The following ENPP2 variants were observed in gnomAD, a reference collection of about 807,000 sequenced individuals.
The protein encoded by ENPP2 is ectonucleotide pyrophosphatase/phosphodiesterase 2.
A neutral mutation model predicts 120.2 loss-of-function variants in ENPP2; 51 were observed. That is an observed-to-expected ratio of 0.42 (90% CI 0.34 to 0.54). ENPP2 has a LOEUF of 0.54. Ranked by LOEUF, ENPP2 falls within the 20% of genes least tolerant of loss-of-function variation. The pLI, the probability that ENPP2 is intolerant of heterozygous loss-of-function variation, is 0.04. For missense variants in ENPP2, 920 were observed against 1,066.5 expected (o/e 0.86, Z 1.91); for synonymous variants, 365 against 366.4 (o/e 1.00, Z 0.04).
At chr8:119,609,236 C>T (rs567241397) in intron 8 of ENPP2, among the ~76,000 whole-genome samples, 38 of 152,244 alleles carry the variant, frequency 2.5e-4, no homozygotes, top group African/African-American at 8.9e-4. Flanking sequence ...GGTTCCAGCC[C>T]CCTTGGAGCC....
At chr8:119,574,101 A>G (rs1256078165) in intron 19 of ENPP2, among the ~76,000 whole-genome samples, 1 of 152,200 alleles carries the variant, frequency 6.6e-6, no homozygotes, top group Admixed American at 6.5e-5. Context: ...TAAGAAACAC[A>G]GATTTTAAGG....
intron 1 of ENPP2, among the ~76,000 whole-genome samples, chr8:119,667,271 T>C (rs571302060): frequency 6.6e-6 from 1 of 152,360 alleles, no homozygotes; most frequent in East Asian, 1.9e-4. Flanking sequence ...TGGCTAACCA[T>C]ATTCCTGCCT....
At position 119,570,960 on chromosome 8, in the gene ENPP2, C is replaced by A. The variant is rs1288958098; in HGVS notation, c.1781-119G>T. 5 of 527,522 alleles carry A rather than the reference C, an allele frequency of 9.5e-6. No individual in the cohort carries two copies. The East Asian group carries it at 1.7e-4, about 18-fold the overall frequency. The allele number at this position is 527,522 out of a possible 1,614,324, so 32.7% of individuals were successfully genotyped here. On this transcript the variant is annotated intron_variant, in intron 19 of 24. Coordinates refer to ENST00000075322, the MANE Select transcript of ENPP2 (RefSeq NM_001040092.3). ...GCTAGCTTACTTATTATTAATATAG[C>A]ACCTTCTCCTTAATTTAATCAAGCT...
chr8:119,588,768 A>G (rs1813296413), intron 13 of ENPP2, among the ~76,000 whole-genome samples: 1 of 152,170 alleles, frequency 6.6e-6, no homozygotes, highest in African/African-American at 2.4e-5. Flanking sequence ...AGAGAAGTAA[A>G]TAGCATGTAC....
At chr8:119,621,557 A>G in intron 3 of ENPP2, 38 bp from the exon 4 acceptor site, 1 of 1,604,676 alleles carries the variant, frequency 6.2e-7, no homozygotes, top group Non-Finnish European at 8.5e-7. Flanking sequence ...ACTGCTGCAC[A>G]CTAACCAAAT....
intron 5 of ENPP2, 152 bp from the exon 6 acceptor site, chr8:119,617,715 G>C: frequency 1.7e-6 from 1 of 604,838 alleles, no homozygotes; most frequent in South Asian, 2.0e-5. Context: ...TTGGGAGTCC[G>C]AGGCGGGCTG....
At chr8:119,626,783 G>A (rs1816310694) in intron 2 of ENPP2, 63 bp from the exon 3 acceptor site, 1 of 1,472,678 alleles carries the variant, frequency 6.8e-7, no homozygotes, top group Admixed American at 1.7e-5. Flanking sequence ...TGGAAAGGTG[G>A]CACTGGGAAG....
chr8:119,643,618 T>C (rs992465297), upstream of ENPP2, among the ~76,000 whole-genome samples: 3 of 152,218 alleles, frequency 2.0e-5, no homozygotes, highest in African/African-American at 7.2e-5. Context: ...GTTGCACAAA[T>C]ATTCATTAGC....
intron 3 of ENPP2, among the ~76,000 whole-genome samples, chr8:119,622,386 C>T (rs1422137854): frequency 6.6e-6 from 1 of 152,162 alleles, no homozygotes; most frequent in African/African-American, 2.4e-5. Context: ...AACCACTGAC[C>T]CATTGTGGTC....
chr8:119,608,027 A>G, intron 8 of ENPP2, 50 bp from the exon 9 acceptor site: 1 of 1,335,116 alleles, frequency 7.5e-7, no homozygotes, highest in Non-Finnish European at 1.1e-6. Flanking sequence ...GTTTTTGTCA[A>G]AGAAGAAAAA....
At position 119,562,927 on chromosome 8, in the gene ENPP2, T is replaced by G. The variant is rs1235355369; in HGVS notation, c.2351A>C (p.Lys784Thr). ...SCLDFTQPAD[K>T]CDGPLSVSSF... is the part of the protein sequence containing the mutation. ...GGACACAGAGAGAGGGCCGTCACAC[T>G]TGTCGGCAGGCTGAGTGAAATCCAG... Residue 784 changes from lysine to threonine, a missense_variant, in exon 24 of 25, where the codon AAG (lysine) becomes ACG (threonine). Transcript: ENST00000075322. 6.2e-7 allele frequency: 1 copy of G among 1,614,008 alleles called. No individual in the cohort carries two copies. The highest frequency in any genetic ancestry group is 8.5e-7 in the Non-Finnish European group (1 of 1,179,980).
chr8:119,608,355 C>T (rs1255843148), intron 8 of ENPP2, among the ~76,000 whole-genome samples: 2 of 152,158 alleles, frequency 1.3e-5, no homozygotes, highest in Non-Finnish European at 2.9e-5. Flanking sequence ...GTTTCCTTTA[C>T]TATTGAAAGC....
At chr8:119,650,861 G>A (rs1471665402) in intron 1 of ENPP2, among the ~76,000 whole-genome samples, 4 of 151,980 alleles carry the variant, frequency 2.6e-5, no homozygotes, top group African/African-American at 9.7e-5. Flanking sequence ...TAGTTCTTGC[G>A]TACACATCTC....
rs376975201 is a variant in ENPP2 at position 119,638,792 on chromosome 8, T to A, written c.-12A>T. 1 of 1,613,612 alleles carries A rather than the reference T, an allele frequency of 6.2e-7. No homozygotes were observed. The highest frequency in any genetic ancestry group is 1.1e-5 in the South Asian group (1 of 91,080). On this transcript the variant is annotated 5_prime_UTR_variant, in exon 1 of 25. The change creates a new upstream start codon in the 5' untranslated region. Transcript: ENST00000075322. ...CTCCTCCTTGCCATGTCGAGGATTC[T>A]TGGAAAGCCTTTTGCAGCGTGTTCT...
At chr8:119,645,745 G>A (rs922914794) in intron 1 of ENPP2, among the ~76,000 whole-genome samples, 1 of 151,124 alleles carries the variant, frequency 6.6e-6, no homozygotes, top group African/African-American at 2.4e-5. Context: ...AACCCGGGGA[G>A]TGGAGGTTGA....
intron 1 of ENPP2, among the ~76,000 whole-genome samples, chr8:119,670,356 C>A (rs1417104120): frequency 6.6e-6 from 1 of 152,186 alleles, no homozygotes; most frequent in African/African-American, 2.4e-5. Context: ...TATTCCTTAG[C>A]ATATTATAGA....
At position 119,659,334 on chromosome 8, in the gene ENPP2, A is replaced by AAAAAAAAAAAAAAAAAAAAC. The variant is rs58435393; in HGVS notation, c.21+13917_21+13918insGTTTTTTTTTTTTTTTTTTT. On this transcript the variant is annotated intron_variant, in intron 1 of 25. Transcript: ENST00000427067. Reference sequence around the variant, plus strand: ...TCTGTCTCAATTAAAAAAAAAAAAAAAAACCAGAGTTCTTAAGAATTTTCT... The same window carrying AAAAAAAAAAAAAAAAAAAAC: ...TCTGTCTCAATTAAAAAAAAAAAAAAAAAAAAAAAAAAAAAAAAACAAACCAGAGTTCTTAAGAATTTTCT... 1.7e-4 allele frequency among the ~76,000 whole-genome samples: 22 copies of AAAAAAAAAAAAAAAAAAAAC among 130,784 alleles called. 1 individual carries two copies. Among genetic ancestry groups the AAAAAAAAAAAAAAAAAAAAC allele is most frequent in the South Asian group, 2.9e-4 (1 of 3,468 alleles). 85.8% of individuals were successfully genotyped at this position (130,784 alleles called of 152,430 possible). A position where few individuals can be genotyped will look rare whatever the true frequency, so the allele number is the denominator to read the frequency against.
At position 119,593,925 on chromosome 8, in the gene ENPP2, A is replaced by G. The variant is rs372389369; in HGVS notation, c.973-65T>C. 86 of 914,718 alleles carry G rather than the reference A, an allele frequency of 9.4e-5. 2 individuals carry two copies. The South Asian group carries it at 1.1e-3, about 11-fold the overall frequency. The allele number at this position is 914,718 out of a possible 1,614,324, so 56.7% of individuals were successfully genotyped here. ...TTCTTTCCCTTTCAGTCTCTCATAG[A>G]TCTTCTACCCCTAGAACATTTTGGA... is the stretch of plus-strand genomic sequence containing the variant. On this transcript the variant is annotated intron_variant, in intron 11 of 24. Transcript: ENST00000075322.
chr8:119,565,759 T>A (rs1814366810), intron 22 of ENPP2, among the ~76,000 whole-genome samples: 1 of 152,154 alleles, frequency 6.6e-6, no homozygotes, highest in South Asian at 2.1e-4. Context: ...AAAAGACTAT[T>A]CCCTGGGTTC....
Sources: gnomAD v4.1 joint callset for allele counts (sites outside exome capture counted in the v4.1 genomes callset) on GRCh38, gnomAD v4.1.1 for gene constraint, MANE v1.5 for transcripts, NCBI Gene and HGNC (gene_info 2026-07-23, HGNC 2026-07-21) for gene names.